ESCO2: variants seen among roughly 807,000 people sequenced by gnomAD.
The protein encoded by ESCO2 is N-acetyltransferase ESCO2.
ESCO2 carries 51 observed loss-of-function variants against 61.7 expected under a neutral mutation model. The observed-to-expected ratio is 0.83, with a 90% CI of 0.66 to 1.04. The LOEUF is 1.04. Ranked by LOEUF, ESCO2 falls within the 50% of genes least tolerant of loss-of-function variation. The pLI, the probability that ESCO2 is intolerant of heterozygous loss-of-function variation, is 0.00. For synonymous variants in ESCO2, 230 were observed against 238.2 expected (o/e 0.97, Z 0.32); for missense variants, 692 against 686.2 (o/e 1.01, Z -0.09).
At chr8:27,775,863 A>G (rs1804777712) in intron 2 of ESCO2, among the ~76,000 whole-genome samples, 1 of 152,208 alleles carries the variant, frequency 6.6e-6, no homozygotes, top group Non-Finnish European at 1.5e-5. Flanking sequence ...ATACCAAATC[A>G]GCTATTACCT....
chr8:27,797,794 A>C (rs760536902), intron 9 of ESCO2, among the ~76,000 whole-genome samples: 6 of 152,230 alleles, frequency 3.9e-5, no homozygotes, highest in African/African-American at 9.6e-5. Context: ...ATAACAATTT[A>C]TATCACCTAC....
downstream of ESCO2, among the ~76,000 whole-genome samples, chr8:27,814,286 T>C (rs1805767620): frequency 1.3e-5 from 2 of 152,152 alleles, no homozygotes; most frequent in African/African-American, 4.8e-5. Context: ...TCAAAGAAAT[T>C]GTCCTTTTCA....
chr8:27,792,840 C>T, intron 9 of ESCO2, 29 bp downstream of exon 9: 3 of 1,539,722 alleles, frequency 1.9e-6, no homozygotes, highest in Non-Finnish European at 2.6e-6. Context: ...AAATTATTGG[C>T]ATAATTTGCA....
At chr8:27,772,674 T>A (rs748385370), upstream of ESCO2, 9 of 810,256 alleles carry the variant, frequency 1.1e-5, no homozygotes, top group Admixed American at 1.2e-4. Flanking sequence ...TCGGGGCGCG[T>A]CATAACGCCG....
intron 9 of ESCO2, among the ~76,000 whole-genome samples, 177 bp downstream of exon 9, chr8:27,792,988 G>T (rs946066109): frequency 1.3e-5 from 2 of 152,084 alleles, no homozygotes; most frequent in Non-Finnish European, 2.9e-5. Flanking sequence ...ATTTTGCTTT[G>T]TATAAACAGG....
upstream of ESCO2, chr8:27,772,645 CG>C: frequency 9.0e-7 from 1 of 1,110,390 alleles, no homozygotes; most frequent in Non-Finnish European, 1.3e-6. Flanking sequence ...GGAACTCCTC[CG>C]TGCACTTCCG....
In ESCO2 at chr8:27,776,907, A is replaced by G; in HGVS notation, c.599A>G (p.Lys200Arg). The G allele has an allele frequency of 6.2e-7, 1 of 1,614,226 alleles. No homozygotes were observed. The highest frequency in any genetic ancestry group is 8.5e-7 in the Non-Finnish European group (1 of 1,180,042). Residue 200 changes from lysine to arginine, a missense_variant, in exon 3 of 11, where the codon AAA becomes AGA. By Grantham distance (26) the Lys-to-Arg change is conservative. Transcript: ENST00000305188. The part of the protein sequence containing the change: ...NAPRVLSQKI[K>R]PQVTLQGGAA... ...CCTCGGGTTCTGAGCCAAAAAATAAAACCACAAGTTACACTCCAGGGTGGA... is the reference window on the plus strand; with the variant it reads ...CCTCGGGTTCTGAGCCAAAAAATAAGACCACAAGTTACACTCCAGGGTGGA...
intron 8 of ESCO2, among the ~76,000 whole-genome samples, chr8:27,792,422 C>A (rs1461360511): frequency 6.6e-6 from 1 of 152,026 alleles, no homozygotes; most frequent in African/African-American, 2.4e-5. Flanking sequence ...GCTTCCTATT[C>A]CTTATCCCTC....
chr8:27,787,864 ATATC>A lies in ESCO2; in HGVS notation c.1014-20_1014-17del, dbSNP rs749070017. 2.6e-6 allele frequency: 4 copies of A among 1,560,788 alleles called. No individual in the cohort carries two copies. Among genetic ancestry groups the A allele is most frequent in the Non-Finnish European group, 3.5e-6 (4 of 1,132,586 alleles). On this transcript the variant is annotated splice_polypyrimidine_tract_variant and intron_variant, in intron 5 of 10. Transcript: ENST00000305188. The stretch of plus-strand genomic sequence containing the variant: ...TTCCTCCAAAATTGTAAATTTATAT[ATATC>A]AACTTTCTGTGTCAAGATCTTTAGG...
At chr8:27,806,448 T>C (rs10104025), downstream of ESCO2, among the ~76,000 whole-genome samples, 19,833 of 152,192 alleles carry the variant, frequency 0.13, 1,538 homozygotes, top group East Asian at 0.34. Flanking sequence ...CCACTTTTTT[T>C]CTTCGGTCTA....
intron 9 of ESCO2, among the ~76,000 whole-genome samples, chr8:27,795,988 A>G (rs1021678052): frequency 2.0e-5 from 3 of 147,516 alleles, no homozygotes; most frequent in African/African-American, 7.6e-5. Context: ...GGTATTCTTC[A>G]GTTTTTTGGA....
Position 27,784,064 on chromosome 8 carries a change from A to T in ESCO2, c.1013+7A>T. ...CTTCAGTCAATTCAAAAAGGTGAGA[A>T]TTGTTATTGTTTTAAAGTCCAAGCC... On this transcript the variant is annotated splice_region_variant and intron_variant, in intron 5 of 10. Transcript: ENST00000305188. The T allele has an allele frequency of 6.2e-7, 1 of 1,612,266 alleles. No individual in the cohort carries two copies.
intron 6 of ESCO2, among the ~76,000 whole-genome samples, chr8:27,788,348 A>C (rs950472801): frequency 6.6e-6 from 1 of 152,160 alleles, no homozygotes; most frequent in Non-Finnish European, 1.5e-5. Flanking sequence ...TAAGGGTTTC[A>C]TTAAAAAGTT....
chr8:27,776,077 G>A (rs187429794), intron 2 of ESCO2, among the ~76,000 whole-genome samples: 174 of 152,256 alleles, frequency 1.1e-3, no homozygotes, highest in African/African-American at 4.0e-3. Context: ...TTTATATATG[G>A]CCAACACATA....
At chr8:27,817,654 C>T in the ESCO2 span, among the ~76,000 whole-genome samples, 1 of 152,012 alleles carries the variant, frequency 6.6e-6, no homozygotes, top group Non-Finnish European at 1.5e-5. Context: ...CCTGTACTGC[C>T]TAATTACTCA....
Position 27,788,559 on chromosome 8 carries a change from A to C in ESCO2, c.1132-288A>C, listed in dbSNP as rs149299120. ...CCCCCCAAAGAGATGGAGTCTCACC[A>C]TGTCGCCCAGACTGGTCTCTAACTC... On this transcript the variant is annotated intron_variant, in intron 6 of 10. Transcript: ENST00000305188. Among the ~76,000 whole-genome samples the C allele has an allele frequency of 0.017, 2,586 of 151,728 alleles. 45 individuals carry two copies. Among genetic ancestry groups the C allele is most frequent in the South Asian group, 0.061 (292 of 4,808 alleles).
intron 3 of ESCO2, chr8:27,779,489 A>C (rs985208204): frequency 3.3e-5 from 5 of 152,046 alleles, no homozygotes; most frequent in African/African-American, 9.7e-5. Context: ...TTAGCTGCTG[A>C]TTTTTAAAGT....
intron 9 of ESCO2, among the ~76,000 whole-genome samples, chr8:27,798,958 G>A (rs542252027): frequency 6.6e-6 from 1 of 152,152 alleles, no homozygotes; most frequent in Non-Finnish European, 1.5e-5. Context: ...GTAGTTAAAT[G>A]TATATACAGG....
chr8:27,775,679 T>A, intron 2 of ESCO2, 112 bp downstream of exon 2: 1 of 930,994 alleles, frequency 1.1e-6, no homozygotes, highest in East Asian at 2.4e-5. Context: ...TCCTTGTGGC[T>A]ACAGTGATAA....
Sources: gnomAD v4.1 joint callset for allele counts (sites outside exome capture counted in the v4.1 genomes callset) on GRCh38, gnomAD v4.1.1 for gene constraint, MANE v1.5 for transcripts, NCBI Gene and HGNC (gene_info 2026-07-23, HGNC 2026-07-21) for gene names.